The following RPTOR variants were observed in gnomAD, a reference collection of about 807,000 sequenced individuals.
RPTOR encodes regulatory associated protein of MTOR complex 1.
RPTOR carries 21 observed loss-of-function variants against 169.9 expected under a neutral mutation model. The ratio of observed to expected loss-of-function variants is 0.12; its 90% CI spans 0.09 to 0.18. The LOEUF is 0.18. RPTOR is among the 10% of genes least tolerant of loss of function. The pLI is 1.00. For synonymous variants in RPTOR, 732 were observed against 753.2 expected (o/e 0.97, Z 0.46); for missense variants, 1,133 against 1,855.9 (o/e 0.61, Z 7.16).
At chr17:80,797,668 T>C (rs1291629223) in intron 7 of RPTOR, among the ~76,000 whole-genome samples, 4 of 152,246 alleles carry the variant, frequency 2.6e-5, no homozygotes, top group African/African-American at 9.6e-5. Flanking sequence ...AATAGTGTCT[T>C]CCATGCCGCT....
At chr17:80,547,586 G>A (rs1282013662) in intron 1 of RPTOR, among the ~76,000 whole-genome samples, 11 of 152,104 alleles carry the variant, frequency 7.2e-5, no homozygotes, top group Admixed American at 7.2e-4. Flanking sequence ...TCTGTTTTTC[G>A]GTGGAGAAAA....
intron 1 of RPTOR, among the ~76,000 whole-genome samples, chr17:80,597,129 G>A (rs561173188): frequency 6.6e-6 from 1 of 152,318 alleles, no homozygotes; most frequent in South Asian, 2.1e-4. Context: ...AGGGAAGGCA[G>A]CTGTGATTAA....
At chr17:80,652,008 C>CAA (rs34266102) in intron 3 of RPTOR, among the ~76,000 whole-genome samples, 24 of 141,012 alleles carry the variant, frequency 1.7e-4, no homozygotes, top group African/African-American at 3.9e-4. Flanking sequence ...GACTCCGTCT[C>CAA]AAAAAAAAAA....
intron 13 of RPTOR, among the ~76,000 whole-genome samples, chr17:80,875,868 C>T (rs1435245413): frequency 7.1e-6 from 1 of 140,046 alleles, no homozygotes; most frequent in Non-Finnish European, 1.5e-5. Context: ...GTCTTCACAC[C>T]GAGCCCGTGC....
intron 3 of RPTOR, among the ~76,000 whole-genome samples, chr17:80,676,735 G>A (rs1231507121): frequency 6.6e-6 from 1 of 152,224 alleles, no homozygotes; most frequent in Admixed American, 6.5e-5. Flanking sequence ...TGGCTGAACT[G>A]CGGTCCCCAC....
chr17:80,769,551 G>A (rs181427691), intron 6 of RPTOR, among the ~76,000 whole-genome samples: 9 of 152,256 alleles, frequency 5.9e-5, no homozygotes, highest in East Asian at 3.9e-4. Flanking sequence ...CTGTGTGCCC[G>A]GAAAAGAGGG....
intron 1 of RPTOR, among the ~76,000 whole-genome samples, chr17:80,603,925 G>A (rs530007999): frequency 4.9e-4 from 74 of 152,300 alleles, no homozygotes; most frequent in Admixed American, 1.2e-3. Context: ...GAGGCACAGC[G>A]AACCCCACTT....
At position 80,721,473 on chromosome 17, in the gene RPTOR, G is replaced by A. The variant is rs936296351; in HGVS notation, c.508-9087G>A. ...AAGCCATGCTGGCTCTTCCTGCTGCGTGTGCATCTGGCCCTGGAAAGAGGC... is the reference window on the plus strand; with the variant it reads ...AAGCCATGCTGGCTCTTCCTGCTGCATGTGCATCTGGCCCTGGAAAGAGGC... On this transcript the variant is annotated intron_variant, in intron 4 of 33. Transcript: ENST00000306801. This position sits in a 1 kb window ranked among gnomAD's most constrained non-coding sequence, Gnocchi z 4.7. Among the ~76,000 whole-genome samples the A allele has an allele frequency of 4.0e-5, 6 of 151,444 alleles. No homozygotes were observed. The highest frequency in any genetic ancestry group is 7.4e-5 in the African/African-American group (3 of 40,708).
At chr17:80,725,975 TGG>T (rs1434416930) in intron 4 of RPTOR, among the ~76,000 whole-genome samples, 2 of 152,136 alleles carry the variant, frequency 1.3e-5, no homozygotes, top group Non-Finnish European at 2.9e-5. Flanking sequence ...TCCAGCAACC[TGG>T]AGATTGTCAC....
intron 7 of RPTOR, among the ~76,000 whole-genome samples, chr17:80,798,193 A>C (rs2067119792): frequency 6.6e-6 from 1 of 152,160 alleles, no homozygotes. Context: ...GGAAGCCCAG[A>C]GGTTACCTTC....
rs527660869 is a variant in RPTOR at position 80,791,926 on chromosome 17, A to G, written c.890+417A>G. Among the ~76,000 whole-genome samples, 11 of 152,082 alleles carry G rather than the reference A, an allele frequency of 7.2e-5. No homozygotes were observed. The South Asian group carries it at 2.3e-3, about 32-fold the overall frequency. ...ATCCCCTCCCCCCCTGTCGCCATCCAGTTTCCATTTTACTATCTCAGGGCA... is the reference window on the plus strand; with the variant it reads ...ATCCCCTCCCCCCCTGTCGCCATCCGGTTTCCATTTTACTATCTCAGGGCA... On this transcript the variant is annotated intron_variant, in intron 7 of 33. Coordinates refer to ENST00000306801, the MANE Select transcript of RPTOR (RefSeq NM_020761.3).
At chr17:80,742,897 TACAC>T (rs1195683962) in intron 5 of RPTOR, among the ~76,000 whole-genome samples, 3 of 151,676 alleles carry the variant, frequency 2.0e-5, no homozygotes, top group South Asian at 2.1e-4. Flanking sequence ...CATGCACACA[TACAC>T]ACAGGTACAT....
chr17:80,942,342 C>A (rs966480416), intron 25 of RPTOR, among the ~76,000 whole-genome samples: 1 of 150,352 alleles, frequency 6.7e-6, no homozygotes, highest in African/African-American at 2.5e-5. Context: ...TGGCCTGGAG[C>A]CTGTGGTCAG....
chr17:80,774,841 T>C (rs1222806464), intron 6 of RPTOR, among the ~76,000 whole-genome samples: 1 of 152,188 alleles, frequency 6.6e-6, no homozygotes, highest in Non-Finnish European at 1.5e-5. Context: ...GGACACAGTG[T>C]CTGTCCTCAA....
chr17:80,687,885 C>A (rs964278117), intron 3 of RPTOR, among the ~76,000 whole-genome samples: 9 of 152,202 alleles, frequency 5.9e-5, no homozygotes, highest in African/African-American at 2.2e-4. Context: ...ATTCACCCTC[C>A]ATTGTCCATC....
chr17:80,908,115 C>T (rs2068567061), intron 20 of RPTOR, among the ~76,000 whole-genome samples: 2 of 152,206 alleles, frequency 1.3e-5, no homozygotes, highest in Admixed American at 1.3e-4. Flanking sequence ...TCCTCACCGA[C>T]GAAGCCTCAG....
intron 19 of RPTOR, among the ~76,000 whole-genome samples, 188 bp from the exon 20 acceptor site, chr17:80,893,519 G>A (rs1022304244): frequency 2.7e-5 from 4 of 149,114 alleles, no homozygotes; most frequent in African/African-American, 9.9e-5. Flanking sequence ...ATGAGGGTGT[G>A]TGTATGTCGG....
At chr17:80,703,861 C>G (rs1346311523) in intron 3 of RPTOR, among the ~76,000 whole-genome samples, 1 of 152,208 alleles carries the variant, frequency 6.6e-6, no homozygotes, top group African/African-American at 2.4e-5. Context: ...TTTTAATTTA[C>G]ATAACGGCCC....
intron 1 of RPTOR, among the ~76,000 whole-genome samples, chr17:80,584,765 A>G (rs1043610115): frequency 1.3e-4 from 20 of 152,218 alleles, no homozygotes; most frequent in African/African-American, 4.6e-4. Flanking sequence ...TTAGCCACTT[A>G]GAAACATTGT....
Sources: gnomAD v4.1 joint callset for allele counts (sites outside exome capture counted in the v4.1 genomes callset) on GRCh38, gnomAD v4.1.1 for gene constraint, Gnocchi (gnomAD v3.1) non-coding constraint, MANE v1.5 for transcripts, NCBI Gene and HGNC (gene_info 2026-07-23, HGNC 2026-07-21) for gene names.